Variants in EXOC4 observed in about 807,000 individuals in gnomAD.
The protein encoded by EXOC4 is SEC8-like 1.
Under a neutral mutation model 107.2 loss-of-function variants are expected in EXOC4, and 71 were observed. That is an observed-to-expected ratio of 0.66 (90% CI 0.55 to 0.81). The LOEUF is 0.81. Ranked by LOEUF, EXOC4 falls within the 30% of genes least tolerant of loss-of-function variation. The probability of loss-of-function intolerance (pLI) is 0.00; values close to 1 mark genes in which losing one functional copy is unlikely to be tolerated. For missense variants in EXOC4, 1,108 were observed against 1,189.6 expected, an observed-to-expected ratio of 0.93 and a Z score of 1.01; for synonymous variants, 456 against 441.2, an observed-to-expected ratio of 1.03 and a Z score of -0.42.
intron 9 of EXOC4, among the ~76,000 whole-genome samples, chr7:133,591,216 G>A (rs1322303693): frequency 6.6e-6 from 1 of 151,864 alleles, no homozygotes; most frequent in Non-Finnish European, 1.5e-5. Context: ...ATTTTTTTTG[G>A]AGATGGAATC....
At chr7:133,978,395 A>C (rs1423309239) in intron 14 of EXOC4, among the ~76,000 whole-genome samples, 1 of 152,232 alleles carries the variant, frequency 6.6e-6, no homozygotes, top group Non-Finnish European at 1.5e-5. Context: ...CATTAAAGGT[A>C]GCCCAGAGAT....
chr7:133,573,868 A>C (rs1232375308), intron 9 of EXOC4, among the ~76,000 whole-genome samples: 1 of 152,190 alleles, frequency 6.6e-6, no homozygotes, highest in Non-Finnish European at 1.5e-5. Context: ...TGCTGTCAGC[A>C]TTGTAGGTTC....
chr7:133,845,012 T>C (rs930651355), intron 11 of EXOC4, among the ~76,000 whole-genome samples: 1 of 152,186 alleles, frequency 6.6e-6, no homozygotes, highest in African/African-American at 2.4e-5. Context: ...AAATCCAAAG[T>C]TGTATCTTAA....
intron 13 of EXOC4, chr7:133,930,640 C>A (rs926674946): frequency 2.0e-5 from 3 of 151,900 alleles, no homozygotes; most frequent in Admixed American, 6.6e-5. Flanking sequence ...GGGTTCCTGC[C>A]CTCTGTGCCA....
chr7:133,657,904 A>C (rs1199293322), intron 10 of EXOC4, among the ~76,000 whole-genome samples: 2 of 152,160 alleles, frequency 1.3e-5, no homozygotes, highest in African/African-American at 4.8e-5. Flanking sequence ...TTGGCTCTGT[A>C]CTAGCCAATA....
chr7:133,394,729 G>A (rs1484227542), intron 7 of EXOC4, among the ~76,000 whole-genome samples: 3 of 152,076 alleles, frequency 2.0e-5, no homozygotes, highest in Non-Finnish European at 4.4e-5. Context: ...AGCTTCATTA[G>A]AGATGCAAGA....
chr7:133,470,804 G>C (rs1418083829), intron 7 of EXOC4, among the ~76,000 whole-genome samples: 4 of 152,208 alleles, frequency 2.6e-5, no homozygotes, highest in Non-Finnish European at 5.9e-5. Flanking sequence ...GAATGTATTT[G>C]ATATTGTAAG....
chr7:133,832,667 G>A lies in EXOC4; in HGVS notation c.1734+15123G>A, dbSNP rs73437320. Among the ~76,000 whole-genome samples the A allele has an allele frequency of 4.7e-3, 723 of 152,212 alleles. 4 individuals carry two copies. The highest frequency in any genetic ancestry group is 0.017 in the African/African-American group (703 of 41,536). Reference sequence around the variant, plus strand: ...TCTTATCATTGAATAATATTCCATTGTATTGATAAACCACTGTTTCTAAAA... The same window carrying A: ...TCTTATCATTGAATAATATTCCATTATATTGATAAACCACTGTTTCTAAAA... On this transcript the variant is annotated intron_variant, in intron 11 of 17. Coordinates refer to ENST00000253861, the MANE Select transcript of EXOC4 (RefSeq NM_021807.4).
chr7:133,828,027 A>T (rs1797739416), intron 11 of EXOC4, among the ~76,000 whole-genome samples: 2 of 152,158 alleles, frequency 1.3e-5, no homozygotes, highest in African/African-American at 4.8e-5. Flanking sequence ...TGTTCTATGA[A>T]ACAGGGCTTA....
At position 133,450,028 on chromosome 7, in the gene EXOC4, A is replaced by G. The variant is rs572276815; in HGVS notation, c.1183-25300A>G. The stretch of plus-strand genomic sequence containing the variant: ...CTTCTCTTTCCCTTGTCCCCTCTTT[A>G]AAAAAAATCTTATCCTGGTATCTTT... On this transcript the variant is annotated intron_variant, in intron 7 of 17. Coordinates refer to ENST00000253861, the MANE Select transcript of EXOC4 (RefSeq NM_021807.4). Among the ~76,000 whole-genome samples, 310 of 151,962 alleles carry G rather than the reference A, an allele frequency of 2.0e-3. 2 individuals are homozygous for G. Among genetic ancestry groups the G allele is most frequent in the African/African-American group, 7.2e-3 (298 of 41,438 alleles).
intron 1 of EXOC4, among the ~76,000 whole-genome samples, chr7:133,254,799 G>C (rs1794977676): frequency 1.3e-5 from 2 of 152,118 alleles, no homozygotes; most frequent in Non-Finnish European, 2.9e-5. Flanking sequence ...AGGAGTGGCT[G>C]TTTCTAATGA....
At chr7:133,380,996 C>T (rs1796607971) in intron 7 of EXOC4, among the ~76,000 whole-genome samples, 1 of 152,016 alleles carries the variant, frequency 6.6e-6, no homozygotes, top group Non-Finnish European at 1.5e-5. Flanking sequence ...ACCTTTCTGC[C>T]CTTATCTTTT....
intron 12 of EXOC4, among the ~76,000 whole-genome samples, chr7:133,906,422 C>T (rs1031808213): frequency 7.2e-5 from 11 of 152,126 alleles, no homozygotes; most frequent in African/African-American, 2.4e-4. Context: ...AGCTCACACC[C>T]GACCAATCAG....
At chr7:133,537,907 A>G (rs1188203128) in intron 9 of EXOC4, among the ~76,000 whole-genome samples, 1 of 152,226 alleles carries the variant, frequency 6.6e-6, no homozygotes, top group Non-Finnish European at 1.5e-5. Flanking sequence ...GTTGATCACA[A>G]TAATACATAT....
chr7:133,465,100 A>G (rs1798696477), intron 7 of EXOC4, among the ~76,000 whole-genome samples: 1 of 152,094 alleles, frequency 6.6e-6, no homozygotes, highest in Non-Finnish European at 1.5e-5. Flanking sequence ...GATTATAGGC[A>G]TGTGCCACTG....
chr7:133,602,651 C>G (rs1384802250), intron 9 of EXOC4, among the ~76,000 whole-genome samples: 2 of 152,180 alleles, frequency 1.3e-5, no homozygotes, highest in African/African-American at 4.8e-5. Flanking sequence ...ACAAAGCTGC[C>G]ATGATGAGAA....
intron 10 of EXOC4, among the ~76,000 whole-genome samples, chr7:133,763,862 C>T (rs1014924377): frequency 9.9e-5 from 15 of 151,976 alleles, no homozygotes; most frequent in Non-Finnish European, 2.2e-4. Flanking sequence ...TTTTACTGGA[C>T]ATTTCTGCTT....
chr7:133,533,409 C>T (rs1800216464), intron 9 of EXOC4, among the ~76,000 whole-genome samples: 1 of 152,116 alleles, frequency 6.6e-6, no homozygotes, highest in African/African-American at 2.4e-5. Flanking sequence ...TGGATGCCTA[C>T]TCTTTTCAAG....
chr7:133,626,617 TTAACTGCAC>T, intron 9 of EXOC4, among the ~76,000 whole-genome samples: 1 of 152,276 alleles, frequency 6.6e-6, no homozygotes, highest in East Asian at 1.9e-4. Flanking sequence ...TTTATTTAGC[TTAACTGCAC>T]TATGTGAATC....
Sources: gnomAD v4.1 joint callset for allele counts (sites outside exome capture counted in the v4.1 genomes callset) on GRCh38, gnomAD v4.1.1 for gene constraint, MANE v1.5 for transcripts, NCBI Gene and HGNC (gene_info 2026-07-23, HGNC 2026-07-21) for gene names.